FBXL2: variants seen among roughly 807,000 people sequenced by gnomAD.
The protein encoded by FBXL2 is F-box/LRR-repeat protein 2.
Under a neutral mutation model 69.2 loss-of-function variants are expected in FBXL2, and 38 were observed. That is an observed-to-expected ratio of 0.55 (90% CI 0.42 to 0.72). The LOEUF (loss-of-function observed/expected upper bound fraction) is 0.72. Among genes scored for constraint, FBXL2 ranks in the 30% least tolerant of loss-of-function variants. The pLI, the probability that FBXL2 is intolerant of heterozygous loss-of-function variation, is 0.00. For missense variants in FBXL2, 354 were observed against 520.3 expected (o/e 0.68, Z 3.11); for synonymous variants, 192 against 201.3 (o/e 0.95, Z 0.39).
chr3:33,352,190 C>T (rs1471145712), intron 2 of FBXL2, among the ~76,000 whole-genome samples: 1 of 152,068 alleles, frequency 6.6e-6, no homozygotes, highest in Non-Finnish European at 1.5e-5. Flanking sequence ...GTCAACTGAT[C>T]TTTGACAAAG....
intron 2 of FBXL2, among the ~76,000 whole-genome samples, chr3:33,328,308 A>G (rs1382398306): frequency 1.3e-5 from 2 of 152,222 alleles, no homozygotes; most frequent in African/African-American, 2.4e-5. Flanking sequence ...TGCAATTTCT[A>G]TCAAAATATC....
At chr3:33,413,372 C>A in the FBXL2 span, among the ~76,000 whole-genome samples, 1 of 151,126 alleles carries the variant, frequency 6.6e-6, no homozygotes, top group South Asian at 2.1e-4. Flanking sequence ...ACGGTGAAAC[C>A]CCATCTCTAC....
At chr3:33,288,391 G>A (rs532557328) in intron 1 of FBXL2, among the ~76,000 whole-genome samples, 2 of 152,262 alleles carry the variant, frequency 1.3e-5, no homozygotes, top group Admixed American at 6.5e-5. Context: ...CTAGTGGCAG[G>A]GAGACAGATA....
intron 2 of FBXL2, among the ~76,000 whole-genome samples, chr3:33,356,130 C>T (rs2041183676): frequency 6.6e-6 from 1 of 152,148 alleles, no homozygotes; most frequent in Non-Finnish European, 1.5e-5. Flanking sequence ...GCTCTTGCTT[C>T]ACTTGTGAGT....
intron 12 of FBXL2, chr3:33,401,072 A>C (rs1318994922): frequency 4.7e-6 from 7 of 1,486,656 alleles, no homozygotes; most frequent in Non-Finnish European, 6.4e-6. Context: ...TATATGTTTT[A>C]ATCAAGGCAT....
chr3:33,320,504 CG>C (rs1324624492), intron 2 of FBXL2, among the ~76,000 whole-genome samples: 1 of 148,580 alleles, frequency 6.7e-6, no homozygotes, highest in Non-Finnish European at 1.5e-5. Context: ...TTTTTTTAGA[CG>C]GAGTCTTGCT....
In FBXL2 at chr3:33,297,839, CCTAA is replaced by C. The variant is rs763540264; in HGVS notation, c.65+117_65+120del. The C allele has an allele frequency of 2.3e-5, 17 of 730,970 alleles. 1 individual carries two copies. The highest frequency in any genetic ancestry group is 7.8e-5 in the South Asian group (5 of 64,054). The allele number at this position is 730,970 out of a possible 1,614,324, so 45.3% of individuals were successfully genotyped here. A position where few individuals can be genotyped will look rare whatever the true frequency, so the allele number is the denominator to read the frequency against. On this transcript the variant is annotated intron_variant, in intron 2 of 14. Transcript: ENST00000484457. ...AGCATAGAAAAACAGACAGAATTAG[CCTAA>C]CTGACTTTTTGTTTTTGTTTTATAG...
At chr3:33,374,350 C>A (rs182429812) in intron 9 of FBXL2, among the ~76,000 whole-genome samples, 13 of 152,222 alleles carry the variant, frequency 8.5e-5, no homozygotes, top group Admixed American at 7.8e-4. Flanking sequence ...GAATAAAACG[C>A]ATAGGCAAGA....
At chr3:33,285,255 G>A (rs971871879) in intron 1 of FBXL2, among the ~76,000 whole-genome samples, 2 of 152,142 alleles carry the variant, frequency 1.3e-5, no homozygotes, top group Admixed American at 6.5e-5. Context: ...AAATCTCTCA[G>A]CATTTGTTTG....
At chr3:33,361,436 AG>A (rs2041621946) in intron 4 of FBXL2, among the ~76,000 whole-genome samples, 1 of 152,114 alleles carries the variant, frequency 6.6e-6, no homozygotes, top group Non-Finnish European at 1.5e-5. Flanking sequence ...ACCTGAGCCC[AG>A]GGGGCAGAGG....
At chr3:33,416,918 G>C in the FBXL2 span, 1 of 1,136,522 alleles carries the variant, frequency 8.8e-7, no homozygotes, top group Non-Finnish European at 1.3e-6. Context: ...ATGTTTCTCA[G>C]AACATACATT....
the FBXL2 span, among the ~76,000 whole-genome samples, chr3:33,418,613 C>T: frequency 6.6e-6 from 1 of 151,784 alleles, no homozygotes; most frequent in African/African-American, 2.4e-5. Context: ...AATCCCAGCA[C>T]TTTGGGAGCC....
At chr3:33,307,721 G>A (rs1330210636) in intron 2 of FBXL2, among the ~76,000 whole-genome samples, 1 of 151,898 alleles carries the variant, frequency 6.6e-6, no homozygotes, top group Non-Finnish European at 1.5e-5. Context: ...AATATGTAGA[G>A]AAAACGATAA....
At chr3:33,361,098 ATTTTTTT>A (rs58660334) in intron 4 of FBXL2, among the ~76,000 whole-genome samples, 10 of 116,318 alleles carry the variant, frequency 8.6e-5, no homozygotes, top group South Asian at 8.5e-4. Context: ...CGCCCGGCTA[ATTTTTTT>A]TTTTTTTTTT....
At chr3:33,325,307 G>T (rs1248505526) in intron 2 of FBXL2, among the ~76,000 whole-genome samples, 5 of 152,188 alleles carry the variant, frequency 3.3e-5, no homozygotes, top group Non-Finnish European at 5.9e-5. Context: ...TGATTGCCCT[G>T]GCCAGAACTT....
downstream of FBXL2, chr3:33,392,839 T>C (rs2043823341): frequency 6.6e-6 from 3 of 453,728 alleles, no homozygotes; most frequent in South Asian, 4.9e-5. Flanking sequence ...CAGTCACCCA[T>C]GTGACCCACA....
chr3:33,337,435 T>C (rs2039681124), intron 2 of FBXL2, among the ~76,000 whole-genome samples: 1 of 152,182 alleles, frequency 6.6e-6, no homozygotes, highest in Non-Finnish European at 1.5e-5. Context: ...TTTTAAATAA[T>C]ACAATATCAT....
chr3:33,392,739 T>A (rs1014045501), downstream of FBXL2: 4 of 857,478 alleles, frequency 4.7e-6, no homozygotes, highest in Admixed American at 2.6e-5. Context: ...CGATAATTCA[T>A]GAAGGCAGTG....
intron 1 of FBXL2, among the ~76,000 whole-genome samples, chr3:33,285,015 T>C (rs1353117304): frequency 1.3e-5 from 2 of 152,206 alleles, no homozygotes; most frequent in Non-Finnish European, 2.9e-5. Context: ...CTGTGTCTTT[T>C]AATTGGATCA....
Sources: gnomAD v4.1 joint callset for allele counts (sites outside exome capture counted in the v4.1 genomes callset) on GRCh38, gnomAD v4.1.1 for gene constraint, MANE v1.5 for transcripts, NCBI Gene and HGNC (gene_info 2026-07-23, HGNC 2026-07-21) for gene names.